The following STK3 variants were observed in gnomAD, a reference collection of about 807,000 sequenced individuals.
STK3 encodes the protein serine/threonine kinase 3.
A neutral mutation model predicts 58.0 loss-of-function variants in STK3; 41 were observed. The ratio of observed to expected loss-of-function variants is 0.71; its 90% confidence interval spans 0.55 to 0.92. The LOEUF (loss-of-function observed/expected upper bound fraction) is 0.92, where lower values mean the gene tolerates loss of function less well. Among genes scored for constraint, STK3 ranks in the 40% least tolerant of loss-of-function variants. The probability of loss-of-function intolerance (pLI) is 0.00; values close to 1 mark genes in which losing one functional copy is unlikely to be tolerated. For synonymous variants in STK3, 170 were observed against 191.0 expected, an observed-to-expected ratio of 0.89 and a Z score of 0.91; for missense variants, 479 against 602.7, an observed-to-expected ratio of 0.79 and a Z score of 2.15.
intron 1 of STK3, among the ~76,000 whole-genome samples, chr8:98,926,260 C>T (rs72668453): frequency 6.6e-6 from 1 of 152,012 alleles, no homozygotes; most frequent in Admixed American, 6.6e-5. Flanking sequence ...ATATTTATTC[C>T]TAGATCACAT....
At chr8:98,694,175 C>A (rs970142226) in intron 6 of STK3, among the ~76,000 whole-genome samples, 3 of 151,970 alleles carry the variant, frequency 2.0e-5, no homozygotes, top group African/African-American at 7.3e-5. Context: ...AGGTGGAAGC[C>A]AGTTGGAAAA....
At chr8:98,375,092 A>AAC (rs1491574602) in intron 2 of STK3, among the ~76,000 whole-genome samples, 1,018 of 50,000 alleles carry the variant, frequency 0.02, 18 homozygotes, top group African/African-American at 0.06. Flanking sequence ...AACAAACAAC[A>AAC]AAAAAAAAAA....
intron 8 of STK3, among the ~76,000 whole-genome samples, chr8:98,567,258 C>T (rs552609457): frequency 6.6e-5 from 10 of 152,274 alleles, no homozygotes; most frequent in East Asian, 3.9e-4. Flanking sequence ...TCTGCAGTGG[C>T]GCAAAGTCGA....
chr8:98,483,971 G>A (rs888934998), intron 10 of STK3, among the ~76,000 whole-genome samples: 4 of 152,028 alleles, frequency 2.6e-5, no homozygotes, highest in African/African-American at 9.7e-5. Context: ...CCTCTGTTCA[G>A]TGAAAATTAA....
intron 8 of STK3, 58 bp downstream of exon 8, chr8:98,579,606 G>A (rs570004209): frequency 5.8e-5 from 90 of 1,564,322 alleles, no homozygotes; most frequent in South Asian, 5.2e-4. Flanking sequence ...TATTTTAACA[G>A]AATTACAGAC....
intron 10 of STK3, among the ~76,000 whole-genome samples, chr8:98,479,494 G>A (rs995954026): frequency 1.7e-4 from 17 of 99,814 alleles, no homozygotes; most frequent in African/African-American, 2.7e-4. Context: ...CTCGGGGGGG[G>A]GGGGGGGGCG....
In STK3 at chr8:98,737,544, C is replaced by T. The variant is rs375325715; in HGVS notation, c.351+11732G>A. On this transcript the variant is annotated intron_variant, in intron 4 of 10. Coordinates refer to ENST00000419617, the MANE Select transcript of STK3 (RefSeq NM_006281.4). ...AGGAACAGGGTCAGAGGAGTAACAACGGTAAAAACTGCTATGGTGAATAAC... is the reference window on the plus strand; with the variant it reads ...AGGAACAGGGTCAGAGGAGTAACAATGGTAAAAACTGCTATGGTGAATAAC... Among the ~76,000 whole-genome samples the T allele has an allele frequency of 3.9e-4, 59 of 152,142 alleles. No homozygotes were observed. The East Asian group carries it at 6.4e-3, about 16-fold the overall frequency.
At chr8:98,716,143 G>A (rs1346006597) in intron 4 of STK3, among the ~76,000 whole-genome samples, 1 of 152,140 alleles carries the variant, frequency 6.6e-6, no homozygotes, top group Non-Finnish European at 1.5e-5. Context: ...GTGGGGTGTG[G>A]GGAGTGGGGA....
downstream of STK3, among the ~76,000 whole-genome samples, chr8:98,369,855 G>T (rs1817594147): frequency 6.6e-6 from 1 of 152,126 alleles, no homozygotes; most frequent in South Asian, 2.1e-4. Flanking sequence ...AGGGAGAGCA[G>T]GGCAAGCTCC....
intron 1 of STK3, among the ~76,000 whole-genome samples, chr8:98,796,617 A>G (rs1470789270): frequency 4.6e-5 from 7 of 152,258 alleles, no homozygotes; most frequent in African/African-American, 7.2e-5. Context: ...GGACCTAATT[A>G]ACCTAAAGAG....
At chr8:98,489,737 T>A (rs1427728852) in intron 10 of STK3, among the ~76,000 whole-genome samples, 2 of 152,186 alleles carry the variant, frequency 1.3e-5, no homozygotes, top group Non-Finnish European at 2.9e-5. Context: ...TTTTATTTAT[T>A]CTGATATCTT....
At chr8:98,661,289 T>C (rs999742668) in intron 6 of STK3, among the ~76,000 whole-genome samples, 2 of 152,148 alleles carry the variant, frequency 1.3e-5, no homozygotes, top group African/African-American at 2.4e-5. Flanking sequence ...CTGTGGTAGA[T>C]GAACTATCCC....
chr8:98,504,984 T>C (rs1823938113), intron 10 of STK3, among the ~76,000 whole-genome samples: 1 of 152,194 alleles, frequency 6.6e-6, no homozygotes, highest in African/African-American at 2.4e-5. Flanking sequence ...CTGAAAAGTG[T>C]TTTCCAATTT....
At chr8:98,922,751 T>C (rs904750021) in intron 1 of STK3, among the ~76,000 whole-genome samples, 2 of 152,242 alleles carry the variant, frequency 1.3e-5, no homozygotes, top group Non-Finnish European at 2.9e-5. Flanking sequence ...TTATAAGGCA[T>C]TGGTTACAAA....
At chr8:98,839,917 G>A (rs925994138) in intron 3 of STK3, among the ~76,000 whole-genome samples, 3 of 152,030 alleles carry the variant, frequency 2.0e-5, no homozygotes, top group Non-Finnish European at 2.9e-5. Context: ...ATAAAATACC[G>A]TCGACAAAGA....
intron 1 of STK3, among the ~76,000 whole-genome samples, chr8:98,819,407 T>C (rs548129296): frequency 1.3e-5 from 2 of 152,262 alleles, no homozygotes; most frequent in South Asian, 4.1e-4. Flanking sequence ...ACCGGAAGTA[T>C]TGCAAATTTT....
chr8:98,780,402 T>A (rs567081336), intron 1 of STK3, among the ~76,000 whole-genome samples: 25 of 152,120 alleles, frequency 1.6e-4, no homozygotes, highest in Non-Finnish European at 3.1e-4. Context: ...TGACCATCTT[T>A]TCATATGATT....
the STK3 span, among the ~76,000 whole-genome samples, chr8:98,352,620 AAG>A: frequency 6.6e-6 from 1 of 152,206 alleles, no homozygotes; most frequent in Non-Finnish European, 1.5e-5. Flanking sequence ...TGTAACATCA[AAG>A]AGAGACTTGC....
intron 3 of STK3, among the ~76,000 whole-genome samples, chr8:98,750,617 CA>C (rs35360997): frequency 4.2e-4 from 59 of 140,252 alleles, no homozygotes; most frequent in Admixed American, 5.7e-4. Context: ...GCCTACCATC[CA>C]AAAAAAAAAA....
Sources: allele counts gnomAD v4.1 joint callset (sites outside exome capture counted in the v4.1 genomes callset), GRCh38; gene constraint gnomAD v4.1.1; transcripts MANE v1.5; gene names NCBI Gene and HGNC (gene_info 2026-07-23, HGNC 2026-07-21).